The following DYSF variants were observed in gnomAD, a reference collection of about 807,000 sequenced individuals.
DYSF encodes dystrophy-associated fer-1-like 1.
A neutral mutation model predicts 274.9 loss-of-function variants in DYSF; 212 were observed. The ratio of observed to expected loss-of-function variants is 0.77; its 90% CI spans 0.69 to 0.86. DYSF has a LOEUF of 0.86. DYSF is among the 40% of genes least tolerant of loss of function. The pLI, the probability that DYSF is intolerant of heterozygous loss-of-function variation, is 0.00. For synonymous variants in DYSF, 1,091 were observed against 1,078.7 expected, an observed-to-expected ratio of 1.01 and a Z score of -0.22; for missense variants, 2,666 against 2,783.2, an observed-to-expected ratio of 0.96 and a Z score of 0.95.
intron 29 of DYSF, among the ~76,000 whole-genome samples, chr2:71,571,435 C>G (rs1466261109): frequency 1.0e-5 from 1 of 100,328 alleles, no homozygotes; most frequent in Admixed American, 1.1e-4. Flanking sequence ...TCAGCACACA[C>G]AGATCACACC....
chr2:71,648,087 G>C (rs1305915750), intron 42 of DYSF, among the ~76,000 whole-genome samples: 1 of 152,178 alleles, frequency 6.6e-6, no homozygotes, highest in Non-Finnish European at 1.5e-5. Flanking sequence ...TTTTAAAACG[G>C]TGTAGCCTGA....
intron 30 of DYSF, among the ~76,000 whole-genome samples, chr2:71,581,028 C>T (rs914932482): frequency 2.6e-5 from 4 of 152,188 alleles, no homozygotes; most frequent in Non-Finnish European, 4.4e-5. Flanking sequence ...ATTTACTGTC[C>T]AGTCTGGAAC....
At chr2:71,625,879 T>TA (rs1328922392) in intron 41 of DYSF, among the ~76,000 whole-genome samples, 1 of 152,102 alleles carries the variant, frequency 6.6e-6, no homozygotes, top group African/African-American at 2.4e-5. Flanking sequence ...TTATTATATT[T>TA]AGTTCTAGCA....
intron 17 of DYSF, among the ~76,000 whole-genome samples, chr2:71,543,099 C>G (rs550480876): frequency 1.0e-4 from 1 of 9,584 alleles, no homozygotes; most frequent in South Asian, 8.8e-4. Flanking sequence ...CTCCTCACTT[C>G]CAGACGGGGC....
At position 71,553,200 on chromosome 2, in the gene DYSF, C is replaced by A. The variant is rs768331161; in HGVS notation, c.1984+12C>A. 4 of 1,613,946 alleles carry A rather than the reference C, an allele frequency of 2.5e-6. 1 individual carries two copies. In the South Asian group the frequency reaches 4.4e-5, roughly 18 times the overall value. On this transcript the variant is annotated intron_variant, in intron 20 of 55. Coordinates refer to ENST00000410020, the MANE Select transcript of DYSF (RefSeq NM_001130987.2). ...TGCAGTCTTTGACGGTGAGGCAGTG[C>A]TCCTGGCTGGGACCCCGATCACAGG...
intron 38 of DYSF, 64 bp from the exon 39 acceptor site, chr2:71,612,577 G>C: frequency 6.3e-7 from 1 of 1,596,974 alleles, no homozygotes. Context: ...TCTGCTCTTT[G>C]GGCTTGACCT....
At chr2:71,521,421 G>A (rs2087261003) in intron 12 of DYSF, among the ~76,000 whole-genome samples, 1 of 152,172 alleles carries the variant, frequency 6.6e-6, no homozygotes, top group Admixed American at 6.5e-5. Flanking sequence ...TTAATGAAAG[G>A]ATTTCTGTAC....
chr2:71,467,559 G>A (rs187290125), intron 1 of DYSF, among the ~76,000 whole-genome samples: 1 of 152,240 alleles, frequency 6.6e-6, no homozygotes, highest in East Asian at 1.9e-4. Flanking sequence ...GGGCAGCAGA[G>A]AAATCACACA....
chr2:71,459,548 TA>T (rs915350303), intron 1 of DYSF, among the ~76,000 whole-genome samples: 5 of 152,250 alleles, frequency 3.3e-5, no homozygotes, highest in Admixed American at 3.3e-4. Context: ...GTGGAAAATC[TA>T]GGCCCAGGTG....
chr2:71,664,593 C>T (rs2094961776), intron 46 of DYSF, among the ~76,000 whole-genome samples, 155 bp downstream of exon 46: 1 of 152,210 alleles, frequency 6.6e-6, no homozygotes, highest in Non-Finnish European at 1.5e-5. Context: ...GTCCTATCCC[C>T]ACTCCACAGA....
rs139936299 is a variant in DYSF, at chr2:71,617,104, C to A, written c.4465-3443C>A. ...GGCACTGAGATGCCCCCAGAGCCAG[C>A]TGGGTATGGCAAGGGCGGCTCTTGC... On this transcript the variant is annotated intron_variant, in intron 40 of 55. Coordinates refer to ENST00000410020, the MANE Select transcript of DYSF (RefSeq NM_001130987.2). Among the ~76,000 whole-genome samples, 578 of 152,318 alleles carry A rather than the reference C, an allele frequency of 3.8e-3. 1 individual carries two copies. Among genetic ancestry groups the A allele is most frequent in the African/African-American group, 0.014 (561 of 41,554 alleles).
intron 30 of DYSF, among the ~76,000 whole-genome samples, chr2:71,586,505 G>A (rs970001276): frequency 1.3e-5 from 2 of 152,010 alleles, no homozygotes; most frequent in African/African-American, 2.4e-5. Context: ...CAGTGGGAGC[G>A]TTGGTTCCTC....
At chr2:71,580,718 G>A (rs569404721) in intron 30 of DYSF, among the ~76,000 whole-genome samples, 57 of 152,266 alleles carry the variant, frequency 3.7e-4, no homozygotes, top group African/African-American at 1.3e-3. Context: ...TAGCATGGGC[G>A]GCTTGAGGGC....
chr2:71,503,525 C>A (rs1332710241), intron 4 of DYSF, among the ~76,000 whole-genome samples: 1 of 152,192 alleles, frequency 6.6e-6, no homozygotes, highest in Admixed American at 6.5e-5. Flanking sequence ...CTGACCCCAC[C>A]TGCAGGGCTC....
In DYSF at chr2:71,656,174, C is replaced by T; in HGVS notation, c.4639C>T (p.Gln1547Ter). The T allele has an allele frequency of 6.2e-7, 1 of 1,614,174 alleles. No individual in the cohort carries two copies. Among genetic ancestry groups the T allele is most frequent in the Non-Finnish European group, 8.5e-7 (1 of 1,180,032 alleles). The change falls in exon 43 of 56, where the codon CAG becomes TAG. Residue 1547 changes from glutamine (Q) to a stop codon, truncating the protein, a stop_gained. Coordinates refer to ENST00000410020, the MANE Select transcript of DYSF (RefSeq NM_001130987.2). LOFTEE classifies it high-confidence loss of function. The stretch of plus-strand genomic sequence containing the variant: ...CCATGTGTGGCAGGTCTATGACACA[C>T]AGCTGGAGAATGTGGAGGCCTTTGA... ...DFDTLKVYDT[Q>*]LENVEAFEGL...
chr2:71,541,840 AT>A (rs1029483229), intron 17 of DYSF, among the ~76,000 whole-genome samples: 12 of 150,098 alleles, frequency 8.0e-5, no homozygotes, highest in South Asian at 2.1e-4. Flanking sequence ...TAGTTAGTCT[AT>A]TTTTTTTTCC....
intron 51 of DYSF, among the ~76,000 whole-genome samples, chr2:71,670,438 G>C (rs1032004564): frequency 5.9e-5 from 9 of 152,206 alleles, no homozygotes; most frequent in African/African-American, 1.9e-4. Flanking sequence ...GGAGTTGCTT[G>C]GCTAAGTCTT....
chr2:71,680,224 AC>A (rs2095279382), intron 53 of DYSF, among the ~76,000 whole-genome samples: 2 of 152,220 alleles, frequency 1.3e-5, no homozygotes, highest in Admixed American at 1.3e-4. Context: ...TAGAAATCAA[AC>A]CCAAAGATAA....
chr2:71,672,783 C>T (rs541145707), intron 51 of DYSF, among the ~76,000 whole-genome samples: 1 of 152,328 alleles, frequency 6.6e-6, no homozygotes, highest in East Asian at 1.9e-4. Context: ...GCCATAAAAG[C>T]TCGCCAGAGG....
Sources: allele counts gnomAD v4.1 joint callset (sites outside exome capture counted in the v4.1 genomes callset), GRCh38; gene constraint gnomAD v4.1.1; transcripts MANE v1.5; gene names NCBI Gene and HGNC (gene_info 2026-07-23, HGNC 2026-07-21).